ENOX1: variants seen among roughly 807,000 people sequenced by gnomAD.
ENOX1 encodes the protein ecto-NOX disulfide-thiol exchanger 1, also known as candidate growth-related and time keeping constitutive hydroquinone (NADH) oxidase.
Under a neutral mutation model 82.5 loss-of-function variants are expected in ENOX1, and 42 were observed. That is an observed-to-expected ratio of 0.51 (90% confidence interval 0.40 to 0.66). The LOEUF is 0.66. Among genes scored for constraint, ENOX1 ranks in the 30% least tolerant of loss-of-function variants. The probability of loss-of-function intolerance (pLI) is 0.00; values close to 1 mark genes in which losing one functional copy is unlikely to be tolerated. For missense variants in ENOX1, 608 were observed against 811.6 expected (o/e 0.75, Z 3.05); for synonymous variants, 271 against 282.2 (o/e 0.96, Z 0.40).
At chr13:43,548,544 G>A (rs1208023121) in intron 2 of ENOX1, among the ~76,000 whole-genome samples, 3 of 152,134 alleles carry the variant, frequency 2.0e-5, no homozygotes, top group African/African-American at 7.2e-5. Context: ...CCAGATTTAC[G>A]TTACATCATG....
At chr13:43,693,251 T>C (rs866998402) in intron 1 of ENOX1, among the ~76,000 whole-genome samples, 1 of 152,246 alleles carries the variant, frequency 6.6e-6, no homozygotes, top group Middle Eastern at 3.4e-3. Context: ...TATACTTTTA[T>C]AATTAAAATT....
At chr13:43,372,366 A>G (rs980232256) in intron 5 of ENOX1, among the ~76,000 whole-genome samples, 1 of 152,226 alleles carries the variant, frequency 6.6e-6, no homozygotes, top group African/African-American at 2.4e-5. Flanking sequence ...ATGCTTGTTA[A>G]TATGGCATCT....
intron 13 of ENOX1, among the ~76,000 whole-genome samples, chr13:43,266,249 C>T (rs1370886857): frequency 6.6e-6 from 1 of 152,142 alleles, no homozygotes; most frequent in African/African-American, 2.4e-5. Flanking sequence ...GCAGCATCTC[C>T]TCCATTATCT....
At position 43,470,226 on chromosome 13, in the gene ENOX1, ATG is replaced by A. The variant is rs373417287; in HGVS notation, c.-75+13781_-75+13782del. On this transcript the variant is annotated intron_variant, in intron 3 of 16. Coordinates refer to ENST00000690772, the MANE Select transcript of ENOX1 (RefSeq NM_001347969.2). Reference sequence around the variant, plus strand: ...TATGTGTATATATATATGTGTGTGTATGTGTGTGTGTGTATATATATACATAT... The same window carrying A: ...TATGTGTATATATATATGTGTGTGTATGTGTGTGTGTATATATATACATAT... Among the ~76,000 whole-genome samples the A allele has an allele frequency of 2.1e-3, 121 of 57,746 alleles. 9 individuals carry two copies. The highest frequency in any genetic ancestry group is 0.017 in the South Asian group (21 of 1,262). The allele number at this position is 57,746 out of a possible 152,430, so 37.9% of individuals were successfully genotyped here. A position where few individuals can be genotyped will look rare whatever the true frequency, so the allele number is the denominator to read the frequency against.
intron 1 of ENOX1, among the ~76,000 whole-genome samples, chr13:43,761,687 T>G (rs937391394): frequency 3.9e-5 from 6 of 152,170 alleles, no homozygotes; most frequent in African/African-American, 1.4e-4. Context: ...ATCTGCTGAA[T>G]TTACTCAGGA....
intron 1 of ENOX1, among the ~76,000 whole-genome samples, chr13:43,669,780 G>A (rs1284712316): frequency 1.3e-5 from 2 of 151,998 alleles, no homozygotes; most frequent in Non-Finnish European, 2.9e-5. Flanking sequence ...GGGAGTTCTC[G>A]GATTCTCCTA....
chr13:43,412,736 A>C, intron 4 of ENOX1, 109 bp downstream of exon 4: 2 of 1,226,714 alleles, frequency 1.6e-6, no homozygotes, highest in Non-Finnish European at 2.3e-6. Context: ...TGATTTCTTT[A>C]TGGGCCCAGG....
chr13:43,712,276 T>A (rs1453247985), intron 1 of ENOX1, among the ~76,000 whole-genome samples: 13 of 149,626 alleles, frequency 8.7e-5, no homozygotes, highest in African/African-American at 2.7e-4. Context: ...GTTCCATTGA[T>A]CTATATCTCT....
chr13:43,246,723 G>A (rs79390907), intron 14 of ENOX1, among the ~76,000 whole-genome samples: 5,072 of 152,264 alleles, frequency 0.033, 127 homozygotes, highest in Non-Finnish European at 0.05. Context: ...CCAAAAGACT[G>A]TGGTTGGGCC....
chr13:43,451,701 T>C (rs79541690), intron 3 of ENOX1, among the ~76,000 whole-genome samples: 5 of 152,382 alleles, frequency 3.3e-5, no homozygotes, highest in Non-Finnish European at 7.3e-5. Flanking sequence ...CCTAGTCTCC[T>C]ACTTCTACTG....
intron 1 of ENOX1, among the ~76,000 whole-genome samples, chr13:43,690,755 G>A (rs2086318212): frequency 6.6e-6 from 1 of 152,164 alleles, no homozygotes; most frequent in African/African-American, 2.4e-5. Flanking sequence ...ACGTCTCCTA[G>A]CTTCAAATAT....
At chr13:43,747,269 A>C (rs147045310) in intron 1 of ENOX1, among the ~76,000 whole-genome samples, 1 of 152,332 alleles carries the variant, frequency 6.6e-6, no homozygotes, top group Non-Finnish European at 1.5e-5. Context: ...TGAACAAATG[A>C]ACCAATGTGT....
At chr13:43,497,129 G>A (rs1161341726) in intron 2 of ENOX1, among the ~76,000 whole-genome samples, 1 of 152,080 alleles carries the variant, frequency 6.6e-6, no homozygotes, top group East Asian at 1.9e-4. Context: ...GTAAATTCAA[G>A]AGATTTTTGC....
intron 1 of ENOX1, among the ~76,000 whole-genome samples, chr13:43,781,747 G>A (rs1046632183): frequency 1.3e-5 from 2 of 152,142 alleles, no homozygotes; most frequent in Non-Finnish European, 2.9e-5. Flanking sequence ...CCGACATCAG[G>A]TGAACTGCCC....
intron 2 of ENOX1, among the ~76,000 whole-genome samples, chr13:43,566,762 G>C (rs1196198544): frequency 6.6e-6 from 1 of 151,968 alleles, no homozygotes; most frequent in African/African-American, 2.4e-5. Flanking sequence ...AGAAGGTATA[G>C]ATCTTCGAAA....
chr13:43,636,109 T>C (rs1048376928), intron 2 of ENOX1, among the ~76,000 whole-genome samples: 1 of 152,066 alleles, frequency 6.6e-6, no homozygotes, highest in Admixed American at 6.6e-5. Flanking sequence ...TGCCTGAGGT[T>C]GGAGAACTCG....
chr13:43,778,553 C>T lies in ENOX1; in HGVS notation c.-285+8099G>A, dbSNP rs115991169. On this transcript the variant is annotated intron_variant, in intron 1 of 16. Transcript: ENST00000690772. ...TGATGGTGGATGAAAATCACCTCTT[C>T]GCCAAGAGCAAGGGGGGAAAAATCA... Among the ~76,000 whole-genome samples the T allele has an allele frequency of 6.2e-3, 939 of 150,760 alleles. 4 individuals are homozygous for T. The highest frequency in any genetic ancestry group is 0.022 in the African/African-American group (895 of 40,694).
intron 8 of ENOX1, among the ~76,000 whole-genome samples, chr13:43,353,652 T>C (rs2049954347): frequency 6.6e-6 from 1 of 152,222 alleles, no homozygotes; most frequent in African/African-American, 2.4e-5. Context: ...TTAAATGCTG[T>C]TTATATTCCA....
intron 1 of ENOX1, among the ~76,000 whole-genome samples, chr13:43,725,374 C>T (rs1017616435): frequency 2.6e-5 from 4 of 151,910 alleles, no homozygotes; most frequent in African/African-American, 7.3e-5. Context: ...CCTTTATAAT[C>T]GTAGCCAAGC....
Sources: gnomAD v4.1 joint callset for allele counts (sites outside exome capture counted in the v4.1 genomes callset) on GRCh38, gnomAD v4.1.1 for gene constraint, MANE v1.5 for transcripts, NCBI Gene and HGNC (gene_info 2026-07-23, HGNC 2026-07-21) for gene names.